Variants in WDPCP observed in about 807,000 individuals in gnomAD.
The protein encoded by WDPCP is WD repeat containing planar cell polarity effector, also known as WD repeat-containing and planar cell polarity effector protein fritz homolog.
A neutral mutation model predicts 93.1 loss-of-function variants in WDPCP; 71 were observed. That is an observed-to-expected ratio of 0.76 (90% CI 0.63 to 0.93). The LOEUF is 0.93. WDPCP is among the 40% of genes least tolerant of loss of function. The pLI is 0.00. For synonymous variants in WDPCP, 315 were observed against 315.0 expected, an observed-to-expected ratio of 1.00 and a Z score of 0.00; for missense variants, 844 against 887.4, an observed-to-expected ratio of 0.95 and a Z score of 0.62.
At chr2:63,374,405 T>G (rs905461400) in intron 12 of WDPCP, among the ~76,000 whole-genome samples, 1 of 152,200 alleles carries the variant, frequency 6.6e-6, no homozygotes, top group African/African-American at 2.4e-5. Context: ...TCTAGCATTT[T>G]TGGATGATCT....
rs183258941 is a variant in WDPCP at position 63,207,966 on chromosome 2, A to G, written c.1916-33134T>C. Among the ~76,000 whole-genome samples the G allele has an allele frequency of 9.9e-5, 15 of 152,092 alleles. No homozygotes were observed. In the East Asian group the frequency reaches 2.7e-3, roughly 27 times the overall value. On this transcript the variant is annotated intron_variant, in intron 14 of 17. Transcript: ENST00000272321. ...TCCTCTTTTAAATTCTCTAGTTATCATAAGCAATTGTGTTTACTTAGTCTT... is the reference window on the plus strand; with the variant it reads ...TCCTCTTTTAAATTCTCTAGTTATCGTAAGCAATTGTGTTTACTTAGTCTT...
intron 1 of WDPCP, among the ~76,000 whole-genome samples, chr2:63,535,735 G>T (rs1704225935): frequency 6.6e-6 from 1 of 152,302 alleles, no homozygotes; most frequent in East Asian, 1.9e-4. Flanking sequence ...AGACTTAAAT[G>T]TTAGACCTAA....
intron 1 of WDPCP, among the ~76,000 whole-genome samples, chr2:63,575,740 T>TATAC (rs1296376014): frequency 6.6e-6 from 1 of 151,140 alleles, no homozygotes; most frequent in Non-Finnish European, 1.5e-5. Context: ...ACATATAAAG[T>TATAC]ATACAGCATT....
At position 63,762,810 on chromosome 2, in the gene WDPCP, C is replaced by T. The variant is rs974118406; in HGVS notation, n.308+50812G>A. Among the ~76,000 whole-genome samples the T allele has an allele frequency of 1.2e-4, 19 of 152,268 alleles. No homozygotes were observed. In the Middle Eastern group the frequency reaches 0.01, roughly 82 times the overall value. On this transcript the variant is annotated intron_variant and non_coding_transcript_variant, in intron 2 of 4. Transcript: ENST00000467687. ...TGATCCAATCACTTCTTAAGGGCTC[C>T]ACCCCACCTCTCAATACTGCCACAT... is the stretch of plus-strand genomic sequence containing the variant.
At chr2:63,594,236 A>G in intron 3 of WDPCP, 1 of 574,362 alleles carries the variant, frequency 1.7e-6, no homozygotes, top group South Asian at 1.4e-5. Context: ...TAGTGGTAAA[A>G]TATCCCAAAA....
At chr2:63,551,649 G>T (rs1393458104) in intron 1 of WDPCP, among the ~76,000 whole-genome samples, 1 of 152,076 alleles carries the variant, frequency 6.6e-6, no homozygotes, top group Non-Finnish European at 1.5e-5. Flanking sequence ...AACATAAATG[G>T]ACTAATACAG....
At chr2:63,403,161 C>T (rs1382448290) in intron 10 of WDPCP, among the ~76,000 whole-genome samples, 1 of 152,102 alleles carries the variant, frequency 6.6e-6, no homozygotes, top group Non-Finnish European at 1.5e-5. Flanking sequence ...CCTTAGCAAA[C>T]TAATGCAGAA....
At chr2:63,292,092 C>T (rs1270166989) in intron 13 of WDPCP, among the ~76,000 whole-genome samples, 16 of 141,862 alleles carry the variant, frequency 1.1e-4, no homozygotes, top group Admixed American at 1.1e-3. Context: ...GAGATCGCGC[C>T]ACTGCACTCC....
chr2:63,484,955 G>C lies in WDPCP; in HGVS notation c.286C>G (p.Arg96Gly). 1 of 1,612,594 alleles carries C rather than the reference G, an allele frequency of 6.2e-7. No individual in the cohort carries two copies. Among genetic ancestry groups the C allele is most frequent in the Non-Finnish European group, 8.5e-7 (1 of 1,179,044 alleles). ...AGCGAGTCTCGGAGTTTTTCTGGGC[G>C]TCTGTTTTTGAGCGTCCAAGGATAA... ...RDYPWTLKNRRPEKLRDSLKE... is the reference protein window; with the variant it reads ...RDYPWTLKNRGPEKLRDSLKE... Residue 96 changes from arginine (R) to glycine (G), a missense_variant, in exon 5 of 18, where the codon CGC (arginine) becomes GGC (glycine). Transcript: ENST00000272321.
intron 14 of WDPCP, chr2:63,229,909 CA>C (rs1267071421): frequency 1.6e-4 from 24 of 153,488 alleles, no homozygotes; most frequent in South Asian, 8.9e-4. Context: ...AAAAAAAAGA[CA>C]AAAAAAATAA....
At chr2:63,793,871 TG>T (rs1352086282) in intron 2 of WDPCP, among the ~76,000 whole-genome samples, 10 of 34,594 alleles carry the variant, frequency 2.9e-4, no homozygotes, top group Non-Finnish European at 4.0e-4. Context: ...GTACTTACAT[TG>T]TGTGTGTGTG....
At chr2:63,755,254 C>T (rs1669948183) in intron 2 of WDPCP, among the ~76,000 whole-genome samples, 1 of 152,104 alleles carries the variant, frequency 6.6e-6, no homozygotes, top group South Asian at 2.1e-4. Context: ...GACCATGAGC[C>T]AAGAATCACT....
Position 63,153,044 on chromosome 2 carries a change from TAAC to T in WDPCP, c.2159-102_2159-100del, listed in dbSNP as rs1382603262. 13 of 979,826 alleles carry T rather than the reference TAAC, an allele frequency of 1.3e-5. No individual in the cohort carries two copies. The Middle Eastern group carries it at 1.7e-3, about 130-fold the overall frequency. The allele number at this position is 979,826 out of a possible 1,614,324, so 60.7% of individuals were successfully genotyped here. A position where few individuals can be genotyped will look rare whatever the true frequency, so the allele number is the denominator to read the frequency against. ...CTAAAAACAGAAATGCTTAAAATAA[TAAC>T]AAGTTACAATGCTGAGAACTCTAGA... On this transcript the variant is annotated intron_variant, in intron 16 of 17. Transcript: ENST00000272321.
intron 2 of WDPCP, among the ~76,000 whole-genome samples, chr2:63,812,264 GC>G (rs1014808054): frequency 6.6e-6 from 1 of 151,960 alleles, no homozygotes; most frequent in African/African-American, 2.4e-5. Flanking sequence ...TTTTTTTATG[GC>G]ACCGTTCTAT....
At chr2:63,162,424 G>A (rs1465513148) in intron 15 of WDPCP, among the ~76,000 whole-genome samples, 1 of 152,068 alleles carries the variant, frequency 6.6e-6, no homozygotes. Context: ...TTGACTTCAT[G>A]AAACATTGTT....
intron 3 of WDPCP, chr2:63,599,068 C>A: frequency 8.7e-7 from 1 of 1,152,002 alleles, no homozygotes; most frequent in Non-Finnish European, 1.2e-6. Context: ...CAAGCCTCCC[C>A]TGTACAAAGG....
chr2:63,564,044 A>G (rs1398479533), intron 1 of WDPCP: 1 of 152,208 alleles, frequency 6.6e-6, no homozygotes, highest in African/African-American at 2.4e-5. Context: ...AGGGCTGGTA[A>G]TGCAAGATTC....
At chr2:63,453,684 G>A (rs998368121) in intron 6 of WDPCP, among the ~76,000 whole-genome samples, 10 of 151,942 alleles carry the variant, frequency 6.6e-5, no homozygotes, top group Non-Finnish European at 8.8e-5. Context: ...GCAAAGACGT[G>A]GAACCAACCC....
chr2:63,754,892 T>G (rs983795478), intron 2 of WDPCP, among the ~76,000 whole-genome samples: 17 of 152,160 alleles, frequency 1.1e-4, no homozygotes, highest in African/African-American at 4.1e-4. Context: ...ATTTCTTAGC[T>G]GAATGGTTCT....
Sources: gnomAD v4.1 joint callset for allele counts (sites outside exome capture counted in the v4.1 genomes callset) on GRCh38, gnomAD v4.1.1 for gene constraint, MANE v1.5 for transcripts, NCBI Gene and HGNC (gene_info 2026-07-23, HGNC 2026-07-21) for gene names.